PCDH11X: variants seen among roughly 807,000 people sequenced by gnomAD.
PCDH11X encodes the protein protocadherin 11 X-linked, also known as protocadherin-11 X-linked.
In PCDH11X, 18 loss-of-function variants were observed where a neutral mutation model predicts 53.3. The observed-to-expected ratio is 0.34, with a 90% CI of 0.23 to 0.50. The LOEUF (loss-of-function observed/expected upper bound fraction) is 0.50. Ranked by LOEUF, PCDH11X falls within the 20% of genes least tolerant of loss-of-function variation. The pLI is 0.98. For synonymous variants in PCDH11X, 279 were observed against 393.3 expected (o/e 0.71, Z 3.44); for missense variants, 570 against 1,032.4 (o/e 0.55, Z 6.14).
intron 7 of PCDH11X, among the ~76,000 whole-genome samples, chrX:92,205,757 T>C (rs771530837): frequency 2.7e-5 from 3 of 110,182 alleles, no homozygotes; most frequent in Non-Finnish European, 3.8e-5. Context: ...CCTGCCACCA[T>C]GTCCAGCTAA....
chrX:92,344,901 G>A (rs2069852471), intron 8 of PCDH11X, among the ~76,000 whole-genome samples: 1 of 107,104 alleles, frequency 9.3e-6, no homozygotes, highest in Non-Finnish European at 1.9e-5. Flanking sequence ...ATGTAACAGA[G>A]CACTGTCTAC....
chrX:92,159,719 C>G (rs1260528170), intron 6 of PCDH11X, among the ~76,000 whole-genome samples: 2 of 96,893 alleles, frequency 2.1e-5, no homozygotes, highest in Non-Finnish European at 4.1e-5. Flanking sequence ...CAGGCAACAT[C>G]TCATTCTATA....
chrX:92,186,650 GAA>G (rs1285702844), intron 6 of PCDH11X, among the ~76,000 whole-genome samples: 2 of 93,306 alleles, frequency 2.1e-5, no homozygotes, highest in African/African-American at 4.0e-5. Flanking sequence ...AAAAAAAAGA[GAA>G]TAGTTGTTTC....
At chrX:92,560,035 TAA>T (rs764814883) in intron 10 of PCDH11X, among the ~76,000 whole-genome samples, 1 of 111,139 alleles carries the variant, frequency 9.0e-6, no homozygotes, top group East Asian at 2.9e-4. Flanking sequence ...CTCGCAACAA[TAA>T]AGTGACTCCT....
chrX:92,149,320 T>C (rs1310365001), intron 6 of PCDH11X, among the ~76,000 whole-genome samples: 2 of 109,842 alleles, frequency 1.8e-5, no homozygotes, highest in Non-Finnish European at 3.8e-5. Context: ...TTACTGTGTC[T>C]ATATCAGAGA....
At chrX:92,395,534 T>G (rs2148582119) in intron 9 of PCDH11X, among the ~76,000 whole-genome samples, 1 of 111,134 alleles carries the variant, frequency 9.0e-6, no homozygotes, top group East Asian at 2.8e-4. Flanking sequence ...TTTCTTAATT[T>G]ATATAATGAA....
intron 8 of PCDH11X, among the ~76,000 whole-genome samples, chrX:92,361,053 G>A (rs2070334388): frequency 9.1e-6 from 1 of 109,733 alleles, no homozygotes; most frequent in Non-Finnish European, 1.9e-5. Context: ...TTAGTCCCAT[G>A]TTACGTCACT....
chrX:92,129,027 A>T, intron 6 of PCDH11X, among the ~76,000 whole-genome samples: 1 of 110,709 alleles, frequency 9.0e-6, no homozygotes, highest in East Asian at 2.8e-4. Flanking sequence ...TTCAGTTTTC[A>T]CCTGGAAATG....
At chrX:92,436,626 A>G (rs192027285) in intron 9 of PCDH11X, among the ~76,000 whole-genome samples, 1 of 111,798 alleles carries the variant, frequency 8.9e-6, no homozygotes, top group Admixed American at 9.5e-5. Context: ...CACATGAAAT[A>G]TTATGCAGTC....
At chrX:91,928,211 C>A (rs999145253) in intron 6 of PCDH11X, among the ~76,000 whole-genome samples, 1 of 108,066 alleles carries the variant, frequency 9.3e-6, no homozygotes, top group African/African-American at 3.4e-5. Flanking sequence ...AAAGACCAAG[C>A]TACTTATTTT....
intron 6 of PCDH11X, among the ~76,000 whole-genome samples, chrX:91,978,870 T>A (rs2062083647): frequency 8.9e-6 from 1 of 112,269 alleles, no homozygotes; most frequent in South Asian, 3.6e-4. Flanking sequence ...TCCAGGATTC[T>A]TCCAATATTT....
At position 92,297,261 on chromosome X, in the gene PCDH11X, A is replaced by G. The variant is rs1409650077; in HGVS notation, c.3144+34118A>G. On this transcript the variant is annotated intron_variant, in intron 8 of 10. Transcript: ENST00000682573. ...AATGGTCTTTCCTGGGTTATCTTCCAGTGTTTTTGTACTTTTAGGTTTTAT... is the reference window on the plus strand; with the variant it reads ...AATGGTCTTTCCTGGGTTATCTTCCGGTGTTTTTGTACTTTTAGGTTTTAT... Among the ~76,000 whole-genome samples, 125 of 106,837 alleles carry G rather than the reference A, an allele frequency of 1.2e-3. 1 individual carries two copies. The highest frequency in any genetic ancestry group is 4.0e-3 in the African/African-American group (118 of 29,376). The allele number at this position is 106,837 out of a possible 115,157, so 92.8% of individuals were successfully genotyped here. A position where few individuals can be genotyped will look rare whatever the true frequency, so the allele number is the denominator to read the frequency against.
At chrX:92,226,873 A>G (rs2066981333) in intron 7 of PCDH11X, among the ~76,000 whole-genome samples, 1 of 111,395 alleles carries the variant, frequency 9.0e-6, no homozygotes, top group African/African-American at 3.3e-5. Flanking sequence ...AAGAGCATAA[A>G]AAGTTTTAGA....
At chrX:92,402,402 A>G (rs2071405807) in intron 9 of PCDH11X, among the ~76,000 whole-genome samples, 1 of 111,735 alleles carries the variant, frequency 8.9e-6, no homozygotes, top group African/African-American at 3.3e-5. Flanking sequence ...AGGATCCAGT[A>G]ACCAAAACAA....
At chrX:91,813,766 G>A (rs2147564796) in intron 4 of PCDH11X, among the ~76,000 whole-genome samples, 1 of 106,969 alleles carries the variant, frequency 9.3e-6, no homozygotes, top group South Asian at 4.1e-4. Context: ...AAAAGTACTG[G>A]TTGGATAGAT....
chrX:91,950,933 A>C, intron 6 of PCDH11X, among the ~76,000 whole-genome samples: 1 of 109,616 alleles, frequency 9.1e-6, no homozygotes, highest in African/African-American at 3.3e-5. Flanking sequence ...AACCTCGCAA[A>C]ATCACTCCCA....
chrX:92,001,842 C>T (rs1274849491), intron 6 of PCDH11X, among the ~76,000 whole-genome samples: 2 of 109,549 alleles, frequency 1.8e-5, no homozygotes, highest in African/African-American at 3.3e-5. Flanking sequence ...TTCTCCCATT[C>T]TGTAAGTTAT....
At chrX:92,452,287 C>T (rs182113731) in intron 9 of PCDH11X, among the ~76,000 whole-genome samples, 1 of 100,972 alleles carries the variant, frequency 9.9e-6, no homozygotes, top group Admixed American at 1.1e-4. Context: ...AGCTCACTAA[C>T]ATCTACAGCA....
At chrX:91,825,600 A>G (rs6618805) in intron 4 of PCDH11X, among the ~76,000 whole-genome samples, 12,738 of 109,902 alleles carry the variant, frequency 0.12, 2,052 homozygotes, top group African/African-American at 0.41. Flanking sequence ...AGATGAACCC[A>G]GTACCTCAGA....
Sources: allele counts gnomAD v4.1 joint callset (sites outside exome capture counted in the v4.1 genomes callset), GRCh38; gene constraint gnomAD v4.1.1; transcripts MANE v1.5; gene names NCBI Gene and HGNC (gene_info 2026-07-23, HGNC 2026-07-21).